The following LRCOL1 variants were observed in gnomAD, a reference collection of about 807,000 sequenced individuals.
LRCOL1 encodes leucine-rich colipase-like protein 1.
In LRCOL1, 21 loss-of-function variants were observed where a neutral mutation model predicts 21.6. The observed-to-expected ratio is 0.97, with a 90% CI of 0.69 to 1.40. The LOEUF (loss-of-function observed/expected upper bound fraction) is 1.40. Ranked by LOEUF, LRCOL1 falls within the 40% of genes most tolerant of loss-of-function variation. The pLI is 0.00. For synonymous variants in LRCOL1, 98 were observed against 90.1 expected (o/e 1.09, Z -0.49); for missense variants, 198 against 202.3 (o/e 0.98, Z 0.13).
Position 132,606,338 on chromosome 12 carries a change from C to T in LRCOL1, c.-13-74G>A. On this transcript the variant is annotated intron_variant, in intron 1 of 5. Coordinates refer to ENST00000376608, the MANE Select transcript of LRCOL1 (RefSeq NM_001195520.2). The surrounding 1 kb of genome is among the most constrained non-coding windows in gnomAD (Gnocchi z 4.6). ...CTGCCTGGCACCTGGTGCTGGCCTCCCCACTCCCTTCCCATCCCTTCCCGA... is the reference window on the plus strand; with the variant it reads ...CTGCCTGGCACCTGGTGCTGGCCTCTCCACTCCCTTCCCATCCCTTCCCGA... 1 of 1,268,134 alleles carries T rather than the reference C, an allele frequency of 7.9e-7. No homozygotes were observed. The highest frequency in any genetic ancestry group is 1.1e-6 in the Non-Finnish European group (1 of 913,892). 78.6% of individuals were successfully genotyped at this position (1,268,134 alleles called of 1,614,324 possible).
rs1291910486 is a variant in LRCOL1, at chr12:132,606,853, G to A, written c.-13-589C>T. On this transcript the variant is annotated intron_variant, in intron 1 of 5. Transcript: ENST00000376608. The surrounding 1 kb of genome is among the most constrained non-coding windows in gnomAD (Gnocchi z 4.6). ...TAAGGTTCCTCTGTGGCTTTTCGTG[G>A]CATAATGACTCATTTCTTTTTAGCA... is the stretch of plus-strand genomic sequence containing the variant. 6.6e-6 allele frequency among the ~76,000 whole-genome samples: 1 copy of A among 152,096 alleles called. No individual in the cohort carries two copies. Among genetic ancestry groups the A allele is most frequent in the Non-Finnish European group, 1.5e-5 (1 of 68,002 alleles).
intron 5 of LRCOL1, chr12:132,603,988 C>G: frequency 5.3e-6 from 7 of 1,327,820 alleles, no homozygotes; most frequent in South Asian, 1.9e-5. Context: ...TCCCCCTCCC[C>G]GCGGCTCCGC....
chr12:132,605,680 G>T (rs2041297760), intron 2 of LRCOL1: 1 of 154,110 alleles, frequency 6.5e-6, no homozygotes, highest in Admixed American at 6.5e-5. Context: ...AGTGAGCTGA[G>T]ATCGTGCCAC....
intron 2 of LRCOL1, chr12:132,605,167 C>A: frequency 2.6e-6 from 3 of 1,135,502 alleles, no homozygotes; most frequent in Non-Finnish European, 3.3e-6. Context: ...TCAGGGAAGG[C>A]GAGCAAGGTG....
chr12:132,604,680 C>T (rs1401186875), intron 3 of LRCOL1, 26 bp downstream of exon 3: 4 of 1,528,914 alleles, frequency 2.6e-6, no homozygotes, highest in African/African-American at 1.4e-5. Flanking sequence ...CTCGCTCCTC[C>T]ACCCCCGCCC....
At chr12:132,605,658 G>A (rs2041297473) in intron 2 of LRCOL1, among the ~76,000 whole-genome samples, 2 of 152,182 alleles carry the variant, frequency 1.3e-5, no homozygotes, top group Admixed American at 6.5e-5. Flanking sequence ...GAACCCAGAA[G>A]GTGAAGGTTG....
rs1027346539 is a variant in LRCOL1 at position 132,608,090 on chromosome 12, C to T, written c.-13-1826G>A. ...TTCTTAAATTCCTCATGTTATCTCGCGTGCACTCAGGGGAAAGGTGGAGCT... is the reference window on the plus strand; with the variant it reads ...TTCTTAAATTCCTCATGTTATCTCGTGTGCACTCAGGGGAAAGGTGGAGCT... On this transcript the variant is annotated intron_variant, in intron 1 of 5. Coordinates refer to ENST00000376608, the MANE Select transcript of LRCOL1 (RefSeq NM_001195520.2). 4.6e-5 allele frequency among the ~76,000 whole-genome samples: 7 copies of T among 152,258 alleles called. No homozygotes were observed. In the East Asian group the frequency reaches 5.8e-4, roughly 13 times the overall value.
intron 5 of LRCOL1, 145 bp from the exon 6 acceptor site, chr12:132,603,549 C>A: frequency 1.3e-6 from 2 of 1,493,340 alleles, no homozygotes; most frequent in East Asian, 5.0e-5. Context: ...GACGCCCACG[C>A]TCAGCTCGCG....
Position 132,604,412 on chromosome 12 carries a change from G to T in LRCOL1, c.355-36C>A. The T allele has an allele frequency of 2.0e-6, 3 of 1,533,436 alleles. No homozygotes were observed. In the South Asian group the frequency reaches 3.6e-5, roughly 18 times the overall value. 95.0% of individuals were successfully genotyped at this position (1,533,436 alleles called of 1,614,324 possible). A position where few individuals can be genotyped will look rare whatever the true frequency, so the allele number is the denominator to read the frequency against. On this transcript the variant is annotated intron_variant, in intron 4 of 5. Transcript: ENST00000376608. ...AGCCAGGCAGCAGTCGTGGAGAGGG[G>T]CTGTCTCCGGCTACCCCTGCTCCAT...
At chr12:132,604,429 C>T in intron 4 of LRCOL1, 33 bp downstream of exon 4, 3 of 1,531,426 alleles carry the variant, frequency 2.0e-6, no homozygotes, top group Non-Finnish European at 2.6e-6. Context: ...CCGGCTACCC[C>T]TGCTCCATCT....
chr12:132,605,123 C>T, intron 2 of LRCOL1: 1 of 1,189,754 alleles, frequency 8.4e-7, no homozygotes, highest in Non-Finnish European at 1.1e-6. Flanking sequence ...CAGGCCAGCC[C>T]AGTGCCTGGC....
chr12:132,603,720 C>G, intron 5 of LRCOL1: 1 of 985,446 alleles, frequency 1.0e-6, no homozygotes, highest in African/African-American at 1.7e-5. Flanking sequence ...GCTCTGGGCT[C>G]CAGCAAACAC....
In LRCOL1 at chr12:132,606,197, CCAGCAG is replaced by C. The variant is rs112975396; in HGVS notation, c.49_54del (p.Leu17_Leu18del). ...TGTGGCCCATACCCTGCCATGGACC[CCAGCAG>C]CAGCAGCAGCAGCAGCAGTAGCAGC... On this transcript the variant is annotated inframe_deletion, in exon 2 of 6. Coordinates refer to ENST00000376608, the MANE Select transcript of LRCOL1 (RefSeq NM_001195520.2). This position sits in a 1 kb window ranked among gnomAD's most constrained non-coding sequence, Gnocchi z 4.6. 433 of 1,410,810 alleles carry C rather than the reference CCAGCAG, an allele frequency of 3.1e-4. 1 individual carries two copies. In the African/African-American group the frequency reaches 5.0e-3, roughly 16 times the overall value. The allele number at this position is 1,410,810 out of a possible 1,614,324, so 87.4% of individuals were successfully genotyped here.
intron 2 of LRCOL1, chr12:132,605,057 G>A (rs976893750): frequency 1.5e-6 from 2 of 1,373,372 alleles, no homozygotes; most frequent in South Asian, 3.1e-5. Flanking sequence ...ACGTGGAAGA[G>A]GGTAAACCAA....
chr12:132,604,923 C>G, intron 2 of LRCOL1, 92 bp from the exon 3 acceptor site: 1 of 1,480,196 alleles, frequency 6.8e-7, no homozygotes, highest in South Asian at 1.3e-5. Context: ...CTTGGCTCCC[C>G]TGTGTCACCA....
intron 5 of LRCOL1, chr12:132,603,854 G>C (rs1187840444): frequency 8.1e-6 from 8 of 985,290 alleles, no homozygotes; most frequent in Non-Finnish European, 9.6e-6. Context: ...GTCAGGAAAA[G>C]CCACAGCAGA....
intron 1 of LRCOL1, among the ~76,000 whole-genome samples, chr12:132,609,002 C>T (rs1268324419): frequency 6.6e-6 from 1 of 152,188 alleles, no homozygotes; most frequent in Non-Finnish European, 1.5e-5. Flanking sequence ...TCACAGGTCA[C>T]ACCGTTCACA....
chr12:132,605,120 G>A, intron 2 of LRCOL1: 3 of 1,202,818 alleles, frequency 2.5e-6, no homozygotes, highest in Non-Finnish European at 3.1e-6. Flanking sequence ...TCTCAGGCCA[G>A]CCCAGTGCCT....
chr12:132,606,252 C>G lies in LRCOL1; in HGVS notation c.-1G>C. The G allele has an allele frequency of 6.5e-7, 1 of 1,536,310 alleles. No individual in the cohort carries two copies. The highest frequency in any genetic ancestry group is 8.7e-7 in the Non-Finnish European group (1 of 1,146,892). On this transcript the variant is annotated 5_prime_UTR_variant, in exon 2 of 6. Transcript: ENST00000376608. This position sits in a 1 kb window ranked among gnomAD's most constrained non-coding sequence, Gnocchi z 4.6. ...GCAGCGTCCACCCCGGGCCGGCCAT[C>G]GGGTGTGTGGACCTGCAGAGACCCA...
Sources: gnomAD v4.1 joint callset for allele counts (sites outside exome capture counted in the v4.1 genomes callset) on GRCh38, gnomAD v4.1.1 for gene constraint, Gnocchi (gnomAD v3.1) non-coding constraint, MANE v1.5 for transcripts, NCBI Gene and HGNC (gene_info 2026-07-23, HGNC 2026-07-21) for gene names.